Variants in WASHC2C observed in about 807,000 individuals in gnomAD.
WASHC2C encodes the protein WASH complex subunit 2C, also known as Vaccinia Penetration Factor.
Under a neutral mutation model 142.2 loss-of-function variants are expected in WASHC2C, and 73 were observed. The observed-to-expected ratio is 0.51, with a 90% CI of 0.43 to 0.62. The LOEUF (loss-of-function observed/expected upper bound fraction) is 0.62. WASHC2C is among the 20% of genes least tolerant of loss of function. The pLI is 0.00. For synonymous variants in WASHC2C, 337 were observed against 565.5 expected (o/e 0.60, Z 5.73); for missense variants, 969 against 1,531.7 (o/e 0.63, Z 6.13).
In WASHC2C at chr10:45,757,108, C is replaced by G. The variant is rs1210909106; in HGVS notation, c.1517C>G (p.Thr506Arg). 5 of 1,605,086 alleles carry G rather than the reference C, an allele frequency of 3.1e-6. No homozygotes were observed. The highest frequency in any genetic ancestry group is 1.4e-5 in the African/African-American group (1 of 73,892). ...VASPEATVSQ[T>R]DENKARAEKK... is the part of the protein sequence containing the mutation. ...TCGCCAGAAGCCACTGTGAGTCAGA[C>G]AGATGAAAATAAAGCAAGAGCAGAA... The change falls in exon 16 of 31, where the codon ACA (threonine) becomes AGA (arginine). Residue 506 changes from threonine to arginine, a missense_variant. Coordinates refer to ENST00000623400, the MANE Select transcript of WASHC2C (RefSeq NM_001330074.2).
intron 17 of WASHC2C, among the ~76,000 whole-genome samples, chr10:45,761,290 A>T (rs1554879867): frequency 6.6e-6 from 1 of 152,070 alleles, no homozygotes; most frequent in Non-Finnish European, 1.5e-5. Context: ...GCTGTAGGGG[A>T]GAGTCCTCAG....
chr10:45,756,743 C>T (rs553724137), intron 15 of WASHC2C, among the ~76,000 whole-genome samples: 1 of 152,218 alleles, frequency 6.6e-6, no homozygotes, highest in Non-Finnish European at 1.5e-5. Flanking sequence ...CCAGTCCAAG[C>T]TACTCTAAGC....
chr10:45,758,370 G>C (rs1375501883), intron 16 of WASHC2C, among the ~76,000 whole-genome samples: 1 of 152,070 alleles, frequency 6.6e-6, no homozygotes, highest in Non-Finnish European at 1.5e-5. Flanking sequence ...GTGAATACCT[G>C]TTCTCTCCCA....
In WASHC2C at chr10:45,728,856, A is replaced by T. The variant is rs767282841; in HGVS notation, c.127-6A>T. On this transcript the variant is annotated splice_polypyrimidine_tract_variant and splice_region_variant and intron_variant, in intron 2 of 30. Transcript: ENST00000623400. ...GATACTACTGTATGTTTATTTTTTA[A>T]AATAGCTACTACAGTTTCTACAGGA... The T allele has an allele frequency of 6.2e-7, 1 of 1,611,526 alleles. No homozygotes were observed. The highest frequency in any genetic ancestry group is 2.2e-5 in the East Asian group (1 of 44,852).
intron 30 of WASHC2C, among the ~76,000 whole-genome samples, chr10:45,791,309 C>CA (rs1322983079): frequency 1.1e-4 from 17 of 151,722 alleles, no homozygotes; most frequent in South Asian, 6.3e-4. Context: ...ATTTTAAATA[C>CA]AAAAAAAGTA....
At chr10:45,788,571 T>C (rs1480690739) in intron 28 of WASHC2C, among the ~76,000 whole-genome samples, 3 of 152,144 alleles carry the variant, frequency 2.0e-5, no homozygotes, top group African/African-American at 7.2e-5. Flanking sequence ...ATGCCTACTT[T>C]CCAGGTTTCC....
intron 26 of WASHC2C, 125 bp from the exon 27 acceptor site, chr10:45,786,487 C>G (rs1421525447): frequency 1.0e-6 from 1 of 976,598 alleles, no homozygotes; most frequent in Non-Finnish European, 1.6e-6. Flanking sequence ...GATTTGAATG[C>G]CTTTCCCATT....
chr10:45,761,304 GA>G (rs1262900321), intron 17 of WASHC2C, among the ~76,000 whole-genome samples: 4 of 152,194 alleles, frequency 2.6e-5, no homozygotes, highest in African/African-American at 9.7e-5. Context: ...TCCTCAGAGA[GA>G]GCCCGATGGA....
intron 17 of WASHC2C, among the ~76,000 whole-genome samples, chr10:45,761,371 C>CA: frequency 6.6e-6 from 1 of 152,034 alleles, no homozygotes; most frequent in Admixed American, 6.6e-5. Flanking sequence ...CCTTTTCCTT[C>CA]ATTTGTTGGT....
chr10:45,785,203 G>A (rs1375933279), intron 25 of WASHC2C, among the ~76,000 whole-genome samples: 4 of 151,852 alleles, frequency 2.6e-5, no homozygotes, highest in Non-Finnish European at 5.9e-5. Context: ...CACTGGGGTG[G>A]CTAAATATTC....
At chr10:45,740,799 G>A (rs2051920241) in intron 5 of WASHC2C, among the ~76,000 whole-genome samples, 1 of 152,184 alleles carries the variant, frequency 6.6e-6, no homozygotes, top group Admixed American at 6.5e-5. Context: ...AGTGTTGGTT[G>A]CTTGACACAC....
At chr10:45,727,350 C>T (rs750738439) in intron 1 of WASHC2C, 30 bp downstream of exon 1, 1 of 1,598,096 alleles carries the variant, frequency 6.3e-7, no homozygotes, top group Non-Finnish European at 8.5e-7. Context: ...GAGGGGCCGG[C>T]CTGGGCTGGG....
intron 26 of WASHC2C, 94 bp from the exon 27 acceptor site, chr10:45,786,518 A>G (rs1211349461): frequency 7.9e-7 from 1 of 1,259,046 alleles, no homozygotes; most frequent in Admixed American, 1.7e-5. Context: ...AGAAAGTGAC[A>G]GTTTTGCTCC....
chr10:45,790,293 T>A (rs2058324960), intron 29 of WASHC2C, 63 bp from the exon 30 acceptor site: 7 of 1,608,478 alleles, frequency 4.4e-6, no homozygotes, highest in Non-Finnish European at 5.9e-6. Flanking sequence ...CTTGTTGACG[T>A]GTTTGAGTTT....
chr10:45,737,953 T>G (rs782231336), intron 3 of WASHC2C, 30 bp from the exon 4 acceptor site: 4 of 1,611,834 alleles, frequency 2.5e-6, no homozygotes, highest in Non-Finnish European at 3.4e-6. Context: ...CGTGTTGACC[T>G]TTTAACATTG....
chr10:45,790,989 A>G (rs1274968264), intron 30 of WASHC2C, among the ~76,000 whole-genome samples: 8 of 152,066 alleles, frequency 5.3e-5, no homozygotes, highest in African/African-American at 1.9e-4. Context: ...TGTAGGCTCT[A>G]CCTCAGGCGT....
In WASHC2C at chr10:45,784,841, G is replaced by T; in HGVS notation, c.2628G>T (p.Gly876=). ...KKTKLLEPSV[G]SLFGDDEDDD... ...TCTAGCTGTTAGAGCCAAGTGTTGGGAGCCTGTTTGGGGATGATGAAGATG... is the reference window on the plus strand; with the variant it reads ...TCTAGCTGTTAGAGCCAAGTGTTGGTAGCCTGTTTGGGGATGATGAAGATG... The change falls in exon 25 of 31, where the codon GGG becomes GGT. Residue 876 remains glycine, a synonymous_variant. Transcript: ENST00000623400. The T allele has an allele frequency of 1.9e-6, 3 of 1,607,032 alleles. No homozygotes were observed. In the Admixed American group the frequency reaches 5.0e-5, roughly 27 times the overall value.
intron 3 of WASHC2C, among the ~76,000 whole-genome samples, chr10:45,732,347 G>A (rs1554862726): frequency 1.3e-5 from 2 of 152,140 alleles, no homozygotes; most frequent in East Asian, 1.9e-4. Context: ...AGAGAAATTA[G>A]TACCATTAGT....
intron 20 of WASHC2C, chr10:45,771,804 C>G (rs1297864161): frequency 6.3e-6 from 1 of 159,534 alleles, no homozygotes; most frequent in Admixed American, 6.6e-5. Context: ...CTGGTGGGAA[C>G]GTAAAATGGT....
Sources: allele counts gnomAD v4.1 joint callset (sites outside exome capture counted in the v4.1 genomes callset), GRCh38; gene constraint gnomAD v4.1.1; transcripts MANE v1.5; gene names NCBI Gene and HGNC (gene_info 2026-07-23, HGNC 2026-07-21).